SUSD1: variants seen among roughly 807,000 people sequenced by gnomAD.
The protein encoded by SUSD1 is sushi domain containing 1.
Under a neutral mutation model 86.9 loss-of-function variants are expected in SUSD1, and 65 were observed. That is an observed-to-expected ratio of 0.75 (90% CI 0.61 to 0.92). The LOEUF is 0.92. Ranked by LOEUF, SUSD1 falls within the 40% of genes least tolerant of loss-of-function variation. The pLI, the probability that SUSD1 is intolerant of heterozygous loss-of-function variation, is 0.00. For synonymous variants in SUSD1, 346 were observed against 350.0 expected (o/e 0.99, Z 0.13); for missense variants, 850 against 929.7 (o/e 0.91, Z 1.11).
At chr9:112,099,779 C>A (rs1203726182) in intron 9 of SUSD1, among the ~76,000 whole-genome samples, 1 of 152,208 alleles carries the variant, frequency 6.6e-6, no homozygotes, top group Non-Finnish European at 1.5e-5. Context: ...CAATCACTAA[C>A]TCTTCTCTTA....
At chr9:112,152,305 T>C (rs192156718) in intron 2 of SUSD1, among the ~76,000 whole-genome samples, 328 of 152,286 alleles carry the variant, frequency 2.2e-3, no homozygotes, top group Non-Finnish European at 3.9e-3. Context: ...ATTGACTCTT[T>C]TGTAATAATG....
chr9:112,145,968 C>G (rs561145663), intron 3 of SUSD1: 1 of 152,182 alleles, frequency 6.6e-6, no homozygotes, highest in Admixed American at 6.5e-5. Flanking sequence ...TGGTGACATT[C>G]AGAGGCCTAC....
chr9:112,080,690 GAAAAA>G (rs56022766), intron 10 of SUSD1, among the ~76,000 whole-genome samples: 3 of 122,172 alleles, frequency 2.5e-5, no homozygotes, highest in African/African-American at 6.0e-5. Context: ...TCTGTCTCAA[GAAAAA>G]AAAAAAAAAG....
At chr9:112,145,171 T>C (rs142409613) in intron 3 of SUSD1, among the ~76,000 whole-genome samples, 15 of 152,034 alleles carry the variant, frequency 9.9e-5, no homozygotes, top group Non-Finnish European at 2.1e-4. Context: ...TCCTAGGACA[T>C]TGGCATAAAA....
At chr9:112,103,507 C>G (rs140595805) in intron 8 of SUSD1, among the ~76,000 whole-genome samples, 1 of 152,294 alleles carries the variant, frequency 6.6e-6, no homozygotes, top group East Asian at 1.9e-4. Context: ...ACAGGCAGAA[C>G]AGAAGCAGAA....
chr9:112,098,178 T>C (rs1270211218), intron 10 of SUSD1, among the ~76,000 whole-genome samples: 1 of 152,136 alleles, frequency 6.6e-6, no homozygotes, highest in African/African-American at 2.4e-5. Flanking sequence ...TGTCTTAAAT[T>C]TGGGGTGAGA....
chr9:112,162,189 A>G (rs1013325340), intron 1 of SUSD1, among the ~76,000 whole-genome samples: 2 of 152,240 alleles, frequency 1.3e-5, no homozygotes, highest in Non-Finnish European at 2.9e-5. Flanking sequence ...ATGATGCACA[A>G]TTTGCATCTG....
At chr9:112,050,268 G>T (rs1017326691) in intron 15 of SUSD1, among the ~76,000 whole-genome samples, 7 of 152,154 alleles carry the variant, frequency 4.6e-5, no homozygotes, top group Non-Finnish European at 1.0e-4. Context: ...ACCCATCTTT[G>T]TCAAGAGGGG....
At chr9:112,165,512 C>T (rs1048790238) in intron 1 of SUSD1, among the ~76,000 whole-genome samples, 1 of 149,284 alleles carries the variant, frequency 6.7e-6, no homozygotes, top group African/African-American at 2.5e-5. Flanking sequence ...CAGGCTCAAG[C>T]GATTCTTGTG....
chr9:112,155,768 C>T (rs569016036), intron 2 of SUSD1, among the ~76,000 whole-genome samples: 2 of 151,530 alleles, frequency 1.3e-5, no homozygotes, highest in South Asian at 4.2e-4. Context: ...TCAAGACCAC[C>T]CCGGGCAATG....
intron 12 of SUSD1, among the ~76,000 whole-genome samples, chr9:112,073,062 T>C (rs1414920355): frequency 6.6e-6 from 1 of 152,200 alleles, no homozygotes; most frequent in Admixed American, 6.5e-5. Context: ...GACCTAGTCC[T>C]GCACAGTCTT....
chr9:112,159,022 A>C (rs1833456909), intron 1 of SUSD1, among the ~76,000 whole-genome samples: 1 of 152,118 alleles, frequency 6.6e-6, no homozygotes, highest in South Asian at 2.1e-4. Context: ...AAAGAAAAAA[A>C]TGAATGTGTT....
At chr9:112,105,650 C>T (rs1013316998) in intron 8 of SUSD1, among the ~76,000 whole-genome samples, 5 of 152,076 alleles carry the variant, frequency 3.3e-5, no homozygotes, top group Non-Finnish European at 5.9e-5. Flanking sequence ...ACACAGGAGG[C>T]GAAGGTTGCA....
intron 8 of SUSD1, among the ~76,000 whole-genome samples, chr9:112,107,254 CAAAA>C (rs71382407): frequency 3.0e-5 from 2 of 66,194 alleles, no homozygotes; most frequent in Admixed American, 1.7e-4. Context: ...GACCATATCT[CAAAA>C]AAAAAAAAAA....
intron 12 of SUSD1, among the ~76,000 whole-genome samples, chr9:112,073,148 T>C (rs1829358992): frequency 6.6e-6 from 1 of 152,216 alleles, no homozygotes; most frequent in Non-Finnish European, 1.5e-5. Context: ...TGGCTGGACC[T>C]CTCTGATAAA....
intron 8 of SUSD1, chr9:112,104,703 C>G (rs1439000915): frequency 6.6e-6 from 1 of 152,196 alleles, no homozygotes; most frequent in Non-Finnish European, 1.5e-5. Flanking sequence ...ATCCTTCATA[C>G]TGAGATCTGA....
intron 10 of SUSD1, among the ~76,000 whole-genome samples, chr9:112,097,302 G>A (rs998456808): frequency 2.6e-5 from 4 of 151,562 alleles, no homozygotes; most frequent in African/African-American, 9.7e-5. Context: ...TCCAGCCTGG[G>A]TGACAGAGCG....
chr9:112,063,205 C>CAA, intron 12 of SUSD1, among the ~76,000 whole-genome samples, 172 bp from the exon 13 acceptor site: 1 of 152,094 alleles, frequency 6.6e-6, no homozygotes, highest in East Asian at 1.9e-4. Context: ...ACACCAGGCA[C>CAA]AAAAGGACAG....
intron 7 of SUSD1, 43 bp downstream of exon 7, chr9:112,112,728 G>A: frequency 1.5e-6 from 2 of 1,314,084 alleles, no homozygotes; most frequent in Non-Finnish European, 2.2e-6. Flanking sequence ...TCCCATGGGT[G>A]ACGTGTCTGT....
Sources: allele counts gnomAD v4.1 joint callset (sites outside exome capture counted in the v4.1 genomes callset), GRCh38; gene constraint gnomAD v4.1.1; transcripts MANE v1.5; gene names NCBI Gene and HGNC (gene_info 2026-07-23, HGNC 2026-07-21).